Variants in FAM107B observed in about 807,000 individuals in gnomAD.
FAM107B encodes the protein protein FAM107B.
A neutral mutation model predicts 31.5 loss-of-function variants in FAM107B; 21 were observed. The observed-to-expected ratio is 0.67, with a 90% CI of 0.47 to 0.96. The LOEUF is 0.96. Ranked by LOEUF, FAM107B falls within the 40% of genes least tolerant of loss-of-function variation. The pLI is 0.00. For missense variants in FAM107B, 452 were observed against 377.1 expected (o/e 1.20, Z -1.64); for synonymous variants, 157 against 141.5 (o/e 1.11, Z -0.78).
chr10:14,663,608 T>G (rs1854312750), intron 2 of FAM107B: 1 of 152,188 alleles, frequency 6.6e-6, no homozygotes, highest in South Asian at 2.1e-4. Context: ...ATAAATGGGC[T>G]AATGTATCCA....
At chr10:14,750,180 C>T (rs150905522) in intron 1 of FAM107B, among the ~76,000 whole-genome samples, 150 of 152,356 alleles carry the variant, frequency 9.8e-4, no homozygotes, top group Non-Finnish European at 1.8e-3. Context: ...CACCCACAAG[C>T]GTCTTCTAAA....
At chr10:14,521,693 G>A (rs1296650794) in intron 4 of FAM107B, among the ~76,000 whole-genome samples, 176 bp downstream of exon 4, 1 of 152,164 alleles carries the variant, frequency 6.6e-6, no homozygotes, top group African/African-American at 2.4e-5. Context: ...TCCTCAGTAG[G>A]ATTCTTGTCC....
At chr10:14,606,015 G>A (rs1206558772) in intron 2 of FAM107B, among the ~76,000 whole-genome samples, 1 of 152,088 alleles carries the variant, frequency 6.6e-6, no homozygotes, top group Non-Finnish European at 1.5e-5. Flanking sequence ...CAACTTTCTG[G>A]GGTGCAAGTG....
rs368532919 is a variant in FAM107B at position 14,708,422 on chromosome 10, C to T, written c.412-40731G>A. Among the ~76,000 whole-genome samples the T allele has an allele frequency of 7.4e-4, 113 of 152,230 alleles. No homozygotes were observed. In the Middle Eastern group the frequency reaches 0.02, roughly 27 times the overall value. ...AACCCCAGATCACCCTGGCCAGTTC[C>T]CTTTCTCATGACTATGTGTGCTTTC... On this transcript the variant is annotated intron_variant, in intron 1 of 4. Coordinates refer to ENST00000181796, the MANE Select transcript of FAM107B (RefSeq NM_031453.4).
At chr10:14,710,198 C>T (rs1008647626) in intron 1 of FAM107B, among the ~76,000 whole-genome samples, 1 of 151,996 alleles carries the variant, frequency 6.6e-6, no homozygotes, top group African/African-American at 2.4e-5. Context: ...CTACTTTCTG[C>T]TAGATTTTCT....
intron 1 of FAM107B, among the ~76,000 whole-genome samples, chr10:14,740,663 CAAG>C (rs1856415759): frequency 6.6e-6 from 1 of 152,088 alleles, no homozygotes; most frequent in African/African-American, 2.4e-5. Context: ...CACATCAATG[CAAG>C]ATGTTAAAAA....
rs530567065 is a variant in FAM107B at position 14,737,644 on chromosome 10, A to T, written c.411+36609T>A. ...CAAACAAACAAACAAACAAACAAAAAAGCAAGCATTTTATTTTCACAGGGA... is the reference window on the plus strand; with the variant it reads ...CAAACAAACAAACAAACAAACAAAATAGCAAGCATTTTATTTTCACAGGGA... On this transcript the variant is annotated intron_variant, in intron 1 of 4. Coordinates refer to ENST00000181796, the MANE Select transcript of FAM107B (RefSeq NM_031453.4). Among the ~76,000 whole-genome samples, 27 of 152,008 alleles carry T rather than the reference A, an allele frequency of 1.8e-4. No homozygotes were observed. In the East Asian group the frequency reaches 4.1e-3, roughly 23 times the overall value.
chr10:14,719,247 C>G (rs752649530), intron 1 of FAM107B, among the ~76,000 whole-genome samples: 1 of 152,162 alleles, frequency 6.6e-6, no homozygotes, highest in Non-Finnish European at 1.5e-5. Context: ...AGAGTTCCAG[C>G]CAGGGACGCA....
intron 2 of FAM107B, among the ~76,000 whole-genome samples, chr10:14,667,194 T>C (rs1588694119): frequency 1.3e-5 from 2 of 152,228 alleles, no homozygotes; most frequent in East Asian, 1.9e-4. Context: ...GGGCGTCCTA[T>C]TGTGGCATAA....
At chr10:14,653,747 G>T (rs561592410) in intron 2 of FAM107B, 1 of 152,070 alleles carries the variant, frequency 6.6e-6, no homozygotes, top group East Asian at 1.9e-4. Context: ...AAATGTAACC[G>T]CGGGAAACTT....
At chr10:14,582,289 T>C (rs1223443503) in intron 2 of FAM107B, among the ~76,000 whole-genome samples, 1 of 152,038 alleles carries the variant, frequency 6.6e-6, no homozygotes, top group Non-Finnish European at 1.5e-5. Context: ...GGGAGATAAA[T>C]AATGGTCTTT....
chr10:14,604,171 C>T, intron 2 of FAM107B: 8 of 943,942 alleles, frequency 8.5e-6, no homozygotes, highest in Non-Finnish European at 1.0e-5. Context: ...CGGGGTCGGG[C>T]AGGGCCGCCG....
intron 2 of FAM107B, among the ~76,000 whole-genome samples, chr10:14,663,712 C>A (rs572388672): frequency 2.6e-5 from 4 of 152,106 alleles, no homozygotes; most frequent in African/African-American, 9.6e-5. Context: ...CTAAGAAAGG[C>A]CTCCAATGTA....
intron 1 of FAM107B, among the ~76,000 whole-genome samples, chr10:14,672,340 G>A (rs533295486): frequency 6.6e-5 from 10 of 152,110 alleles, no homozygotes; most frequent in African/African-American, 2.4e-4. Flanking sequence ...TGCCCGCCTC[G>A]GCCTCCCAAA....
chr10:14,725,596 G>GGAGAAA (rs1182410865), intron 1 of FAM107B, among the ~76,000 whole-genome samples: 1 of 141,576 alleles, frequency 7.1e-6, no homozygotes, highest in Non-Finnish European at 1.5e-5. Context: ...CATGGTAGGG[G>GGAGAAA]GAGAAAGAGA....
At chr10:14,601,831 A>AC (rs1852408466) in intron 2 of FAM107B, among the ~76,000 whole-genome samples, 2 of 152,258 alleles carry the variant, frequency 1.3e-5, no homozygotes, top group South Asian at 4.1e-4. Context: ...GAAGTCTTCT[A>AC]CCCCTCCACC....
intron 2 of FAM107B, among the ~76,000 whole-genome samples, chr10:14,612,054 T>C (rs910268899): frequency 6.6e-6 from 1 of 151,656 alleles, no homozygotes; most frequent in African/African-American, 2.4e-5. Flanking sequence ...TTAGTTGTTG[T>C]GCTCCCCAGG....
At chr10:14,667,020 G>C (rs972457256) in intron 2 of FAM107B, among the ~76,000 whole-genome samples, 1 of 152,086 alleles carries the variant, frequency 6.6e-6, no homozygotes, top group Non-Finnish European at 1.5e-5. Flanking sequence ...AAAAGCCATT[G>C]GTAAATAGAG....
chr10:14,724,103 A>C (rs892329822), intron 1 of FAM107B: 9 of 595,504 alleles, frequency 1.5e-5, no homozygotes, highest in East Asian at 3.2e-5. Flanking sequence ...AACAATGCCA[A>C]ATGGACTCCT....
Sources: allele counts gnomAD v4.1 joint callset (sites outside exome capture counted in the v4.1 genomes callset), GRCh38; gene constraint gnomAD v4.1.1; transcripts MANE v1.5; gene names NCBI Gene and HGNC (gene_info 2026-07-23, HGNC 2026-07-21).